The following CAST variants were observed in gnomAD, a reference collection of about 807,000 sequenced individuals.
CAST encodes MIR583 host.
In CAST, 76 loss-of-function variants were observed where a neutral mutation model predicts 119.6. The observed-to-expected ratio is 0.64, with a 90% CI of 0.53 to 0.77. CAST has a LOEUF of 0.77. Ranked by LOEUF, CAST falls within the 30% of genes least tolerant of loss-of-function variation. The pLI is 0.00. For missense variants in CAST, 953 were observed against 946.5 expected (o/e 1.01, Z -0.09); for synonymous variants, 319 against 331.6 (o/e 0.96, Z 0.41).
At chr5:96,244,817 T>C in the CAST span, among the ~76,000 whole-genome samples, 1 of 152,232 alleles carries the variant, frequency 6.6e-6, no homozygotes, top group Non-Finnish European at 1.5e-5. Context: ...AAGTGGCGTC[T>C]ATTCATTATT....
chr5:96,313,826 A>G, the CAST span, among the ~76,000 whole-genome samples: 1 of 152,118 alleles, frequency 6.6e-6, no homozygotes, highest in Non-Finnish European at 1.5e-5. Flanking sequence ...GTGTGTCATG[A>G]TACCTCATTT....
chr5:96,218,163 T>C, the CAST span, among the ~76,000 whole-genome samples: 1 of 152,226 alleles, frequency 6.6e-6, no homozygotes, highest in Non-Finnish European at 1.5e-5. Context: ...TAGGATGCTA[T>C]GTGACTCACA....
intron 3 of CAST, among the ~76,000 whole-genome samples, chr5:96,715,972 T>C (rs1473041913): frequency 2.6e-5 from 4 of 152,236 alleles, no homozygotes; most frequent in Non-Finnish European, 5.9e-5. Context: ...TCATAAACAC[T>C]ATACCTTGTT....
chr5:96,315,640 A>G, the CAST span, among the ~76,000 whole-genome samples: 1 of 152,222 alleles, frequency 6.6e-6, no homozygotes, highest in South Asian at 2.1e-4. Flanking sequence ...ATTCTTTGCT[A>G]CTATTTTTGG....
At chr5:96,516,745 C>A in the CAST span, among the ~76,000 whole-genome samples, 1 of 152,292 alleles carries the variant, frequency 6.6e-6, no homozygotes, top group Middle Eastern at 3.4e-3. Flanking sequence ...AGTTATTTGA[C>A]TCAGCTCTAA....
At chr5:96,543,502 C>T (rs186349495) in intron 1 of CAST, among the ~76,000 whole-genome samples, 34 of 152,206 alleles carry the variant, frequency 2.2e-4, no homozygotes, top group Middle Eastern at 3.4e-3. Context: ...ACCTATGTAA[C>T]GAACCTGCAC....
chr5:96,036,037 G>A, the CAST span, among the ~76,000 whole-genome samples: 1 of 151,334 alleles, frequency 6.6e-6, no homozygotes, highest in East Asian at 1.9e-4. Context: ...AAACTGATTG[G>A]TTTAGGAAGA....
At chr5:96,282,121 C>T in the CAST span, among the ~76,000 whole-genome samples, 1 of 149,828 alleles carries the variant, frequency 6.7e-6, no homozygotes, top group East Asian at 2.0e-4. Flanking sequence ...AGGTAACATA[C>T]GCACCACATG....
intron 1 of CAST, among the ~76,000 whole-genome samples, chr5:96,531,460 C>A (rs191371981): frequency 3.6e-4 from 55 of 152,272 alleles, no homozygotes; most frequent in African/African-American, 1.3e-3. Flanking sequence ...AAACTGAGAC[C>A]TACACTCTCC....
chr5:96,037,182 T>A, the CAST span, among the ~76,000 whole-genome samples: 1 of 152,248 alleles, frequency 6.6e-6, no homozygotes, highest in South Asian at 2.1e-4. Context: ...TGTGGTAGAA[T>A]GGAGACCTGT....
At chr5:96,218,288 G>C in the CAST span, among the ~76,000 whole-genome samples, 1 of 152,112 alleles carries the variant, frequency 6.6e-6, no homozygotes. Context: ...ATTTTCAGTT[G>C]ATTGTTGTAT....
the CAST span, among the ~76,000 whole-genome samples, chr5:96,185,060 T>G: frequency 6.6e-6 from 1 of 152,204 alleles, no homozygotes; most frequent in South Asian, 2.1e-4. Flanking sequence ...TGGCATGAGA[T>G]AGTATCTCAT....
At chr5:96,634,177 A>G (rs1348080257) in intron 1 of CAST, among the ~76,000 whole-genome samples, 1 of 152,216 alleles carries the variant, frequency 6.6e-6, no homozygotes, top group African/African-American at 2.4e-5. Flanking sequence ...TTTCAGAAGA[A>G]TGTGCAGATT....
intron 2 of CAST, among the ~76,000 whole-genome samples, chr5:96,688,291 T>C (rs1477514365): frequency 6.6e-6 from 1 of 152,230 alleles, no homozygotes; most frequent in Admixed American, 6.5e-5. Context: ...GATTAAACTT[T>C]TCCTTTAATT....
the CAST span, among the ~76,000 whole-genome samples, chr5:96,229,284 C>T: frequency 6.6e-6 from 1 of 150,856 alleles, no homozygotes; most frequent in Non-Finnish European, 1.5e-5. Flanking sequence ...ATACTTTGCT[C>T]CTTCTCCTTA....
At chr5:96,733,396 C>T (rs151005852) in intron 9 of CAST, among the ~76,000 whole-genome samples, 15 of 152,152 alleles carry the variant, frequency 9.9e-5, no homozygotes, top group African/African-American at 3.6e-4. Flanking sequence ...GGATTAGGCC[C>T]GCTAAAATAG....
chr5:96,236,107 G>GTCTGTCTGTCTA, the CAST span, among the ~76,000 whole-genome samples: 1 of 141,962 alleles, frequency 7.0e-6, no homozygotes, highest in South Asian at 2.2e-4. Flanking sequence ...CTGTCTGTCT[G>GTCTGTCTGTCTA]TCTGTCTATC....
At chr5:96,744,710 T>C (rs1237532541) in intron 16 of CAST, among the ~76,000 whole-genome samples, 2 of 151,994 alleles carry the variant, frequency 1.3e-5, no homozygotes, top group African/African-American at 2.4e-5. Context: ...TCCTAGATAG[T>C]CTGATGTGAT....
At chr5:96,350,056 T>C in the CAST span, among the ~76,000 whole-genome samples, 2 of 152,188 alleles carry the variant, frequency 1.3e-5, no homozygotes, top group Non-Finnish European at 2.9e-5. Context: ...TGATCTCATG[T>C]TTGTAAGCCA....
Sources: gnomAD v4.1 joint callset for allele counts (sites outside exome capture counted in the v4.1 genomes callset) on GRCh38, gnomAD v4.1.1 for gene constraint, MANE v1.5 for transcripts, NCBI Gene and HGNC (gene_info 2026-07-23, HGNC 2026-07-21) for gene names.